The following AMOT variants were observed in gnomAD, a reference collection of about 807,000 sequenced individuals.
AMOT encodes the protein angiomotin.
In AMOT, 11 loss-of-function variants were observed where a neutral mutation model predicts 67.0. That is an observed-to-expected ratio of 0.16 (90% CI 0.10 to 0.27). The LOEUF is 0.27. Ranked by LOEUF, AMOT falls within the 10% of genes least tolerant of loss-of-function variation. The pLI is 1.00. For synonymous variants in AMOT, 326 were observed against 321.4 expected (o/e 1.01, Z -0.15); for missense variants, 753 against 852.0 (o/e 0.88, Z 1.45).
intron 7 of AMOT, 76 bp downstream of exon 7, chrX:112,809,818 G>T: frequency 1.1e-6 from 1 of 884,551 alleles, no homozygotes; most frequent in Non-Finnish European, 1.6e-6. Context: ...AAAGGCTAAA[G>T]AGAACAGTGT....
intron 7 of AMOT, 137 bp downstream of exon 7, chrX:112,809,757 G>T: frequency 2.0e-6 from 1 of 510,035 alleles, no homozygotes; most frequent in Non-Finnish European, 3.2e-6. Context: ...CTTCATGCCT[G>T]AATAGGAAAA....
intron 8 of AMOT, among the ~76,000 whole-genome samples, chrX:112,797,395 CACACACAG>C (rs1479843687): frequency 9.0e-6 from 1 of 111,502 alleles, no homozygotes; most frequent in African/African-American, 3.3e-5. Flanking sequence ...CATGCACATA[CACACACAG>C]ACACACAGAC....
At chrX:112,788,149 C>A (rs111523418) in intron 10 of AMOT, among the ~76,000 whole-genome samples, 1 of 110,047 alleles carries the variant, frequency 9.1e-6, no homozygotes, top group Non-Finnish European at 1.9e-5. Context: ...ATTAGCCAGG[C>A]GTGGTGGCAC....
rs148370878 is a variant in AMOT, at chrX:112,798,525, T to C, written c.1776+6422A>G. The stretch of plus-strand genomic sequence containing the variant: ...CCACTTAAGGGTAGAGCCCTTCTAT[T>C]TTCCTTGGTGTCTCTCTTAAGTTCT... On this transcript the variant is annotated intron_variant, in intron 8 of 13. Transcript: ENST00000371959. Among the ~76,000 whole-genome samples the C allele has an allele frequency of 7.2e-3, 806 of 112,342 alleles. 11 individuals carry two copies. Among genetic ancestry groups the C allele is most frequent in the African/African-American group, 0.024 (758 of 30,964 alleles).
intron 5 of AMOT, among the ~76,000 whole-genome samples, chrX:112,814,081 T>C: frequency 9.0e-6 from 1 of 110,905 alleles, no homozygotes; most frequent in Non-Finnish European, 1.9e-5. Context: ...GAGACCAGCC[T>C]GGCCAACATG....
chrX:112,815,746 C>T lies in AMOT; in HGVS notation c.1004G>A (p.Arg335Gln), dbSNP rs1050784292. ...TCCCTGGTTTGGGACCAAGGGGTGT[C>T]GGGCAGGAGACAATCTAGTGGATGG... Reference protein sequence around the residue: ...SPPSTRLSPARHPLVPNQGDH... With the variant: ...SPPSTRLSPAQHPLVPNQGDH... The change falls in exon 5 of 14, where the codon CGA (arginine) becomes CAA (glutamine). Residue 335 changes from arginine (R) to glutamine (Q), a missense_variant. Transcript: ENST00000371959. 17 of 1,164,853 alleles carry T rather than the reference C, an allele frequency of 1.5e-5. No homozygotes were observed. The highest frequency in any genetic ancestry group is 5.2e-5 in the Admixed American group (2 of 38,321).
In AMOT at chrX:112,782,561, C is replaced by T. The variant is rs534527259; in HGVS notation, c.2219G>A (p.Arg740His). The part of the protein sequence containing the change: ...EEEEILMANK[R>H]CLDMEGRIKT... ...TTACCTGCCCTCCATGTCAAGGCAA[C>T]GCTTATTGGCCATCAAGATTTCTTC... The change falls in exon 11 of 14, where the codon CGT (arginine) becomes CAT (histidine). Residue 740 changes from arginine to histidine, a missense_variant. By Grantham distance (29) the Arg-to-His change is conservative (BLOSUM62 0). Around this residue, in one of 5 missense-constraint regions of AMOT, gnomAD observed 269 missense variants for 300.9 expected, o/e 0.89. Transcript: ENST00000371959. 29 of 1,209,759 alleles carry T rather than the reference C, an allele frequency of 2.4e-5. No homozygotes were observed. The highest frequency in any genetic ancestry group is 1.6e-4 in the South Asian group (9 of 56,787).
Position 112,832,273 on chromosome X carries a change from T to C in AMOT, c.-212+21A>G, listed in dbSNP as rs372359455. ...AACAAAGAAAGACATGGAATAACAA[T>C]AATAATAATGTTATTATTACCTTTA... On this transcript the variant is annotated intron_variant, in intron 2 of 13. Coordinates refer to ENST00000371959, the MANE Select transcript of AMOT (RefSeq NM_001113490.2). 5.4e-5 allele frequency: 6 copies of C among 111,878 alleles called. No homozygotes were observed. In the East Asian group the frequency reaches 1.4e-3, roughly 26 times the overall value. The allele number at this position is 111,878 out of a possible 1,213,427, so 9.2% of individuals were successfully genotyped here.
intron 5 of AMOT, among the ~76,000 whole-genome samples, chrX:112,814,259 C>T (rs1416955736): frequency 3.9e-5 from 4 of 102,434 alleles, no homozygotes; most frequent in Admixed American, 3.2e-4. Context: ...GTAACAAGAG[C>T]GAGACTCCGT....
At chrX:112,791,374 A>G (rs777380985) in intron 9 of AMOT, among the ~76,000 whole-genome samples, 1 of 111,558 alleles carries the variant, frequency 9.0e-6, no homozygotes, top group African/African-American at 3.3e-5. Flanking sequence ...AAGAAAAAAA[A>G]AATCTAGGAT....
rs1933543786 is a variant in AMOT, at chrX:112,790,765, C to A, written c.1944G>T (p.Gln648His). The A allele has an allele frequency of 8.4e-7, 1 of 1,191,056 alleles. No homozygotes were observed. The highest frequency in any genetic ancestry group is 1.7e-5 in the African/African-American group (1 of 57,268). Residue 648 changes from glutamine to histidine, a missense_variant, in exon 10 of 14, where the codon CAG becomes CAT. Gln to His is a conservative substitution (Grantham distance 24, BLOSUM62 0). Coordinates refer to ENST00000371959, the MANE Select transcript of AMOT (RefSeq NM_001113490.2). ...CATTGTATTCTGAAACGTTGGTGGG[C>A]TGACAGTTGCCCTGACGCTGTTGGG... ...LRIQQRQGNC[Q>H]PTNVSEYNAA...
chrX:112,779,352 AGCAGCGGCAGTG>A lies in AMOT; in HGVS notation c.2790_2801del (p.Thr935_Ala938del). 2 of 870,479 alleles carry A rather than the reference AGCAGCGGCAGTG, an allele frequency of 2.3e-6. No homozygotes were observed. The highest frequency in any genetic ancestry group is 3.3e-6 in the Non-Finnish European group (2 of 602,313). 71.7% of individuals were successfully genotyped at this position (870,479 alleles called of 1,213,427 possible). A position where few individuals can be genotyped will look rare whatever the true frequency, so the allele number is the denominator to read the frequency against. On this transcript the variant is annotated inframe_deletion, in exon 13 of 14. Transcript: ENST00000371959. ...CAGCTGGAGAAACAGCAGCAGCAGT[AGCAGCGGCAGTG>A]GCTGGAGACGGGGCAGCAGCAGCAG...
intron 8 of AMOT, among the ~76,000 whole-genome samples, chrX:112,794,508 C>T (rs1933728636): frequency 9.0e-6 from 1 of 111,696 alleles, no homozygotes; most frequent in Non-Finnish European, 1.9e-5. Context: ...AATGCCTACT[C>T]TCTAGATAGG....
intron 5 of AMOT, 131 bp from the exon 6 acceptor site, chrX:112,811,524 ACAGT>A (rs1934367618): frequency 3.0e-6 from 2 of 658,171 alleles, no homozygotes; most frequent in Non-Finnish European, 4.5e-6. Context: ...CAAGCATAAC[ACAGT>A]CAGATGACAC....
intron 11 of AMOT, among the ~76,000 whole-genome samples, chrX:112,782,212 T>C (rs1444336521): frequency 8.9e-6 from 1 of 112,133 alleles, no homozygotes; most frequent in Admixed American, 9.4e-5. Context: ...TTTACTCTTT[T>C]ATTAAGCAAT....
chrX:112,809,970 G>C lies in AMOT; in HGVS notation c.1554C>G (p.Ala518=). 3.3e-6 allele frequency: 4 copies of C among 1,210,124 alleles called. No individual in the cohort carries two copies. The highest frequency in any genetic ancestry group is 4.5e-6 in the Non-Finnish European group (4 of 894,483). Residue 518 remains alanine, a synonymous_variant, in exon 7 of 14, where the codon GCC becomes GCG. Transcript: ENST00000371959. ...ATTCCTTCTCTGCAAGCTGCTTGTTGGCAGTCTCTAGACGCTCTGTGAAAT... is the reference window on the plus strand; with the variant it reads ...ATTCCTTCTCTGCAAGCTGCTTGTTCGCAGTCTCTAGACGCTCTGTGAAAT... The part of the protein sequence containing the change: ...NRDLRERLET[A]NKQLAEKEYE...
rs775236290 is a variant in AMOT at position 112,782,577 on chromosome X, A to G, written c.2203T>C (p.Leu735=). 2.5e-6 allele frequency: 3 copies of G among 1,211,883 alleles called. No homozygotes were observed. The highest frequency in any genetic ancestry group is 3.4e-6 in the Non-Finnish European group (3 of 895,502). Reference sequence around the variant, plus strand: ...TCAAGGCAACGCTTATTGGCCATCAAGATTTCTTCCTCCTCTTTCTGGATG... The same window carrying G: ...TCAAGGCAACGCTTATTGGCCATCAGGATTTCTTCCTCCTCTTTCTGGATG... ...ARIQKEEEEI[L]MANKRCLDME... is the part of the protein sequence containing the mutation. Residue 735 remains leucine, a synonymous_variant, in exon 11 of 14, where the codon TTG becomes CTG. Transcript: ENST00000371959.
At chrX:112,798,958 G>A (rs1243652380) in intron 8 of AMOT, among the ~76,000 whole-genome samples, 1 of 111,654 alleles carries the variant, frequency 9.0e-6, no homozygotes, top group Non-Finnish European at 1.9e-5. Flanking sequence ...CCACGTGATG[G>A]CATCTCTTCC....
rs754961822 is a variant in AMOT, at chrX:112,804,145, A to G, written c.1776+802T>C. Among the ~76,000 whole-genome samples the G allele has an allele frequency of 3.6e-5, 4 of 111,690 alleles. No individual in the cohort carries two copies. The South Asian group carries it at 1.5e-3, about 43-fold the overall frequency. ...GTCAAGCCTAATCAGATACATATTA[A>G]TCATATGCTTAATAGTTTGGGGGCC... On this transcript the variant is annotated intron_variant, in intron 8 of 13. Transcript: ENST00000371959.
Sources: gnomAD v4.1 joint callset for allele counts (sites outside exome capture counted in the v4.1 genomes callset) on GRCh38, gnomAD v4.1.1 for gene constraint, gnomAD v4.1.1 regional missense constraint, MANE v1.5 for transcripts, NCBI Gene and HGNC (gene_info 2026-07-23, HGNC 2026-07-21) for gene names.